RDH11: variants seen among roughly 807,000 people sequenced by gnomAD.
RDH11 encodes the protein retinol dehydrogenase 11, also known as HCV core-binding protein HCBP12.
RDH11 carries 19 observed loss-of-function variants against 33.4 expected under a neutral mutation model. The observed-to-expected ratio is 0.57, with a 90% confidence interval of 0.40 to 0.83. The LOEUF is 0.83. Among genes scored for constraint, RDH11 ranks in the 40% least tolerant of loss-of-function variants. The pLI is 0.00. For missense variants in RDH11, 353 were observed against 389.0 expected (o/e 0.91, Z 0.78); for synonymous variants, 154 against 155.3 (o/e 0.99, Z 0.06).
intron 6 of RDH11, 117 bp downstream of exon 6, chr14:67,684,898 T>G: frequency 1.4e-6 from 1 of 733,260 alleles, no homozygotes; most frequent in Non-Finnish European, 2.1e-6. Flanking sequence ...AACTCTAGAG[T>G]TAAAAGACAA....
chr14:67,690,483 T>G (rs1254694945), intron 4 of RDH11, 62 bp from the exon 5 acceptor site: 1 of 1,409,662 alleles, frequency 7.1e-7, no homozygotes, highest in African/African-American at 1.4e-5. Context: ...GGAGTCGTGG[T>G]GAGCAGGCCT....
At chr14:67,684,317 G>C (rs1040804128) in intron 6 of RDH11, among the ~76,000 whole-genome samples, 1 of 152,070 alleles carries the variant, frequency 6.6e-6, no homozygotes. Flanking sequence ...TTAAAATTTT[G>C]ATCTTATGTG....
At chr14:67,695,122 C>T (rs2140089455) in intron 1 of RDH11, among the ~76,000 whole-genome samples, 1 of 152,306 alleles carries the variant, frequency 6.6e-6, no homozygotes, top group Admixed American at 6.5e-5. Flanking sequence ...CACTTTTCTC[C>T]TTTACAACAT....
chr14:67,678,539 C>T, intron 6 of RDH11, 116 bp from the exon 7 acceptor site: 1 of 647,434 alleles, frequency 1.5e-6, no homozygotes, highest in African/African-American at 1.8e-5. Flanking sequence ...CCATGTACTT[C>T]ACAGGGCCAG....
At chr14:67,694,179 A>G (rs1314968645) in intron 1 of RDH11, among the ~76,000 whole-genome samples, 1 of 152,124 alleles carries the variant, frequency 6.6e-6, no homozygotes, top group African/African-American at 2.4e-5. Flanking sequence ...CTACCTGCAT[A>G]GTGCGAAAAT....
intron 1 of RDH11, 95 bp downstream of exon 1, chr14:67,695,534 AG>A: frequency 8.0e-7 from 1 of 1,246,560 alleles, no homozygotes; most frequent in Non-Finnish European, 1.1e-6. Flanking sequence ...GAGCCCCCCC[AG>A]GGGAGTTTTC....
At position 67,694,557 on chromosome 14, in the gene RDH11, C is replaced by T. The variant is rs142283046; in HGVS notation, c.74+1073G>A. Among the ~76,000 whole-genome samples the T allele has an allele frequency of 4.3e-3, 643 of 148,832 alleles. 7 individuals are homozygous for T. The highest frequency in any genetic ancestry group is 0.015 in the African/African-American group (605 of 40,212). On this transcript the variant is annotated intron_variant, in intron 1 of 6. Coordinates refer to ENST00000381346, the MANE Select transcript of RDH11 (RefSeq NM_016026.4). ...GAAAAATCCCTCTGGGGTATGAGCACTATTTTCAGTTCTGGTTCAACTTTT... is the reference window on the plus strand; with the variant it reads ...GAAAAATCCCTCTGGGGTATGAGCATTATTTTCAGTTCTGGTTCAACTTTT...
At chr14:67,687,295 C>T (rs2037690006) in intron 5 of RDH11, among the ~76,000 whole-genome samples, 1 of 152,138 alleles carries the variant, frequency 6.6e-6, no homozygotes, top group African/African-American at 2.4e-5. Flanking sequence ...AAAATCCTTA[C>T]TGTGGCCTCT....
In RDH11 at chr14:67,690,294, T is replaced by C. The variant is rs1344968190; in HGVS notation, c.582A>G (p.Lys194=). Residue 194 remains lysine (K), a synonymous_variant, in exon 5 of 7, where the codon AAA becomes AAG. Coordinates refer to ENST00000381346, the MANE Select transcript of RDH11 (RefSeq NM_016026.4). ...AGTAGGCCAGGCCTGCATTGTAGAA[T>C]TTCTCGCCCTGCAGGTTATGGAAGT... The part of the protein sequence containing the change: ...RIHFHNLQGE[K]FYNAGLAYCH... The C allele has an allele frequency of 6.8e-6, 11 of 1,614,046 alleles. No individual in the cohort carries two copies. The East Asian group carries it at 1.6e-4, about 23-fold the overall frequency.
At chr14:67,688,697 A>T in intron 5 of RDH11, among the ~76,000 whole-genome samples, 1 of 151,868 alleles carries the variant, frequency 6.6e-6, no homozygotes, top group Admixed American at 6.6e-5. Flanking sequence ...GGCCTCCTAA[A>T]GTGCCTGGGA....
intron 1 of RDH11, among the ~76,000 whole-genome samples, chr14:67,694,864 A>G (rs750215650): frequency 6.6e-6 from 1 of 152,212 alleles, no homozygotes; most frequent in Middle Eastern, 3.4e-3. Flanking sequence ...GTGTCTGTCT[A>G]TTCAGTCACT....
At chr14:67,687,875 G>A (rs1056252313) in intron 5 of RDH11, among the ~76,000 whole-genome samples, 1 of 151,268 alleles carries the variant, frequency 6.6e-6, no homozygotes, top group Non-Finnish European at 1.5e-5. Flanking sequence ...AGGTTCAGGC[G>A]ATTCTCCTGC....
intron 5 of RDH11, among the ~76,000 whole-genome samples, 187 bp from the exon 6 acceptor site, chr14:67,685,391 G>C (rs2037665669): frequency 6.6e-6 from 1 of 152,162 alleles, no homozygotes; most frequent in East Asian, 1.9e-4. Flanking sequence ...CTCTAGAGTA[G>C]ACAGTGCTAA....
intron 6 of RDH11, among the ~76,000 whole-genome samples, chr14:67,680,633 A>AT (rs2037603614): frequency 6.6e-6 from 1 of 151,986 alleles, no homozygotes; most frequent in Non-Finnish European, 1.5e-5. Flanking sequence ...TAATTTTTGC[A>AT]TTTTTTATAG....
intron 5 of RDH11, among the ~76,000 whole-genome samples, chr14:67,687,467 CTTTTTTT>C (rs67069556): frequency 1.3e-5 from 1 of 79,696 alleles, no homozygotes; most frequent in African/African-American, 4.5e-5. Context: ...CTCCATATTC[CTTTTTTT>C]TTTTTTTTTT....
chr14:67,687,355 A>G (rs1468032294), intron 5 of RDH11, among the ~76,000 whole-genome samples: 1 of 150,262 alleles, frequency 6.7e-6, no homozygotes, highest in Non-Finnish European at 1.5e-5. Flanking sequence ...GATCTTTATT[A>G]CTCTTGCTTT....
At chr14:67,680,539 C>G (rs1185117356) in intron 6 of RDH11, among the ~76,000 whole-genome samples, 1 of 152,158 alleles carries the variant, frequency 6.6e-6, no homozygotes, top group Non-Finnish European at 1.5e-5. Flanking sequence ...TCGCAGCTCA[C>G]TACAACCTCC....
chr14:67,692,499 C>T lies in RDH11; in HGVS notation c.288G>A (p.Val96=). ...QTTTGNQQVL[V]RKLDLSDTKS... ...TAGTATCAGACAGGTCCAGTTTCCG[C>T]ACCAACACCTGCTGGTTCCCTGTCG... The change falls in exon 3 of 7, where the codon GTG becomes GTA. Residue 96 remains valine, a synonymous_variant. Transcript: ENST00000381346. 1 of 1,613,986 alleles carries T rather than the reference C, an allele frequency of 6.2e-7. No homozygotes were observed. The highest frequency in any genetic ancestry group is 1.1e-5 in the South Asian group (1 of 91,030).
At chr14:67,681,136 G>A (rs771161967) in intron 6 of RDH11, among the ~76,000 whole-genome samples, 2 of 152,110 alleles carry the variant, frequency 1.3e-5, no homozygotes, top group South Asian at 2.1e-4. Context: ...AATCCAACAG[G>A]GCCTTATAAA....
Sources: allele counts gnomAD v4.1 joint callset (sites outside exome capture counted in the v4.1 genomes callset), GRCh38; gene constraint gnomAD v4.1.1; transcripts MANE v1.5; gene names NCBI Gene and HGNC (gene_info 2026-07-23, HGNC 2026-07-21).